Variants in LRRTM4 observed in about 807,000 individuals in gnomAD.
LRRTM4 encodes the protein leucine-rich repeat transmembrane neuronal protein 4.
Under a neutral mutation model 47.6 loss-of-function variants are expected in LRRTM4, and 25 were observed. The observed-to-expected ratio is 0.53, with a 90% confidence interval of 0.38 to 0.73. LRRTM4 has a LOEUF of 0.73. Among genes scored for constraint, LRRTM4 ranks in the 30% least tolerant of loss-of-function variants. LRRTM4 has a pLI of 0.00. For synonymous variants in LRRTM4, 311 were observed against 269.5 expected (o/e 1.15, Z -1.51); for missense variants, 638 against 713.4 (o/e 0.89, Z 1.20).
At chr2:76,807,365 C>T (rs1670516672) in intron 3 of LRRTM4, among the ~76,000 whole-genome samples, 1 of 141,612 alleles carries the variant, frequency 7.1e-6, no homozygotes, top group African/African-American at 2.6e-5. Context: ...CCAGAATATG[C>T]ATTATAAACA....
chr2:77,107,375 T>C (rs1671118932), intron 3 of LRRTM4, among the ~76,000 whole-genome samples: 1 of 152,222 alleles, frequency 6.6e-6, no homozygotes, highest in Non-Finnish European at 1.5e-5. Flanking sequence ...CGTCAGAGAA[T>C]CTTTTATATG....
At chr2:77,479,752 TTCTCTC>T (rs752438433) in intron 3 of LRRTM4, among the ~76,000 whole-genome samples, 2 of 151,200 alleles carry the variant, frequency 1.3e-5, no homozygotes, top group African/African-American at 2.4e-5. Flanking sequence ...CTCTTTCTCT[TTCTCTC>T]TCTCTTTCTC....
chr2:77,486,513 G>A (rs1161696544), intron 3 of LRRTM4, among the ~76,000 whole-genome samples: 1 of 151,984 alleles, frequency 6.6e-6, no homozygotes, highest in African/African-American at 2.4e-5. Context: ...TGGATTACAA[G>A]AATGGATCCA....
chr2:76,832,155 T>C (rs1295326735), intron 3 of LRRTM4, among the ~76,000 whole-genome samples: 1 of 152,120 alleles, frequency 6.6e-6, no homozygotes, highest in African/African-American at 2.4e-5. Context: ...TACTTAGAGA[T>C]GTCTGTATTT....
At chr2:77,467,765 T>C (rs996110536) in intron 3 of LRRTM4, among the ~76,000 whole-genome samples, 3 of 152,174 alleles carry the variant, frequency 2.0e-5, no homozygotes, top group Admixed American at 1.3e-4. Context: ...ATGTGAAATA[T>C]GTGAGAGTGG....
At chr2:77,076,866 A>C (rs1010517241) in intron 3 of LRRTM4, among the ~76,000 whole-genome samples, 6 of 152,188 alleles carry the variant, frequency 3.9e-5, no homozygotes, top group Non-Finnish European at 8.8e-5. Flanking sequence ...GAGCTATGCC[A>C]GATTATAAGT....
At chr2:77,343,460 A>G (rs1459226967) in intron 3 of LRRTM4, among the ~76,000 whole-genome samples, 1 of 152,014 alleles carries the variant, frequency 6.6e-6, no homozygotes, top group Non-Finnish European at 1.5e-5. Context: ...GCTCTGAACT[A>G]GTAGTAATCA....
intron 3 of LRRTM4, among the ~76,000 whole-genome samples, chr2:77,434,219 CTT>C (rs35183015): frequency 6.6e-6 from 1 of 150,520 alleles, no homozygotes; most frequent in African/African-American, 2.4e-5. Context: ...TGTGTGTAGA[CTT>C]TTTTTTATCA....
intron 3 of LRRTM4, among the ~76,000 whole-genome samples, chr2:77,252,973 T>C (rs941633972): frequency 6.6e-6 from 1 of 152,208 alleles, no homozygotes; most frequent in East Asian, 1.9e-4. Context: ...TTTAAATCTA[T>C]GTAAAATTGC....
At chr2:76,947,781 A>T (rs1291646109) in intron 3 of LRRTM4, among the ~76,000 whole-genome samples, 1 of 151,860 alleles carries the variant, frequency 6.6e-6, no homozygotes, top group African/African-American at 2.4e-5. Flanking sequence ...CTAACCATAA[A>T]ATCATTTATA....
chr2:77,349,861 C>T (rs1671694381), intron 3 of LRRTM4, among the ~76,000 whole-genome samples: 2 of 152,094 alleles, frequency 1.3e-5, no homozygotes, highest in African/African-American at 4.8e-5. Context: ...GTTTTTAAAG[C>T]TAGCTAGTTA....
intron 3 of LRRTM4, among the ~76,000 whole-genome samples, chr2:77,063,847 A>G (rs1679870840): frequency 6.6e-6 from 1 of 152,120 alleles, no homozygotes; most frequent in Non-Finnish European, 1.5e-5. Context: ...CCCCCATCCC[A>G]TCAATTGAGC....
chr2:77,155,224 TA>T (rs1194957129), intron 3 of LRRTM4, among the ~76,000 whole-genome samples: 1 of 151,990 alleles, frequency 6.6e-6, no homozygotes, highest in Non-Finnish European at 1.5e-5. Flanking sequence ...TTCTATTTTT[TA>T]TATGATATTC....
At chr2:77,493,596 A>G (rs571030870) in intron 3 of LRRTM4, among the ~76,000 whole-genome samples, 4 of 152,254 alleles carry the variant, frequency 2.6e-5, no homozygotes, top group Non-Finnish European at 4.4e-5. Context: ...TAAAAAATAG[A>G]TATTTCAATA....
chr2:76,834,738 C>A (rs1671459082), intron 3 of LRRTM4, among the ~76,000 whole-genome samples: 1 of 151,892 alleles, frequency 6.6e-6, no homozygotes, highest in Admixed American at 6.6e-5. Flanking sequence ...AGAAATGATA[C>A]ACATAGAAAA....
intron 3 of LRRTM4, among the ~76,000 whole-genome samples, chr2:77,354,298 G>A (rs1671891229): frequency 6.6e-6 from 1 of 152,094 alleles, no homozygotes; most frequent in African/African-American, 2.4e-5. Flanking sequence ...CTATAAAAGA[G>A]CTCCAGGCTA....
At chr2:76,903,142 T>C (rs1673699836) in intron 3 of LRRTM4, among the ~76,000 whole-genome samples, 1 of 151,766 alleles carries the variant, frequency 6.6e-6, no homozygotes, top group African/African-American at 2.4e-5. Flanking sequence ...GAGGCCAAGG[T>C]GGGTGGATCA....
chr2:77,472,759 G>A (rs1172730177), intron 3 of LRRTM4, among the ~76,000 whole-genome samples: 1 of 152,142 alleles, frequency 6.6e-6, no homozygotes, highest in Non-Finnish European at 1.5e-5. Context: ...GTGCTAAGGT[G>A]TGAAACCAGG....
chr2:77,165,014 G>C (rs924577985), intron 3 of LRRTM4, among the ~76,000 whole-genome samples: 3 of 152,152 alleles, frequency 2.0e-5, no homozygotes, highest in African/African-American at 7.2e-5. Flanking sequence ...AAAAATCAGT[G>C]AATCAAGGAG....
Sources: gnomAD v4.1 joint callset for allele counts (sites outside exome capture counted in the v4.1 genomes callset) on GRCh38, gnomAD v4.1.1 for gene constraint, MANE v1.5 for transcripts, NCBI Gene and HGNC (gene_info 2026-07-23, HGNC 2026-07-21) for gene names.